Variants in RBFOX1 observed in about 807,000 individuals in gnomAD.
The protein encoded by RBFOX1 is RNA binding fox-1 homolog 1, also known as RNA binding protein fox-1 homolog 1.
A neutral mutation model predicts 57.7 loss-of-function variants in RBFOX1; 8 were observed. The observed-to-expected ratio is 0.14, with a 90% CI of 0.08 to 0.25. The LOEUF (loss-of-function observed/expected upper bound fraction) is 0.25, where lower values mean the gene tolerates loss of function less well. RBFOX1 is among the 10% of genes least tolerant of loss of function. RBFOX1 has a pLI of 1.00. For missense variants in RBFOX1, 611 were observed against 548.5 expected (o/e 1.11, Z -1.14); for synonymous variants, 326 against 222.4 (o/e 1.47, Z -4.15).
At chr16:6,439,725 T>C (rs1197458127) in intron 2 of RBFOX1, among the ~76,000 whole-genome samples, 1 of 152,080 alleles carries the variant, frequency 6.6e-6, no homozygotes, top group Non-Finnish European at 1.5e-5. Context: ...GGTAGACATA[T>C]TATTTGGGAT....
At chr16:6,106,950 C>A (rs575651899) in intron 1 of RBFOX1, among the ~76,000 whole-genome samples, 1 of 152,044 alleles carries the variant, frequency 6.6e-6, no homozygotes, top group Admixed American at 6.5e-5. Flanking sequence ...GGATTACAGG[C>A]GTGAGCCACC....
intron 3 of RBFOX1, among the ~76,000 whole-genome samples, chr16:6,777,365 T>G (rs180672799): frequency 3.7e-4 from 56 of 152,244 alleles, no homozygotes; most frequent in African/African-American, 1.3e-3. Flanking sequence ...ACTCTATTTG[T>G]GTGTCCCTGA....
chr16:6,721,397 C>G (rs1399143216), intron 3 of RBFOX1, among the ~76,000 whole-genome samples: 2 of 152,190 alleles, frequency 1.3e-5, no homozygotes, highest in African/African-American at 4.8e-5. Flanking sequence ...GAGCCGAGAT[C>G]ATGCCACTGC....
At chr16:5,363,031 C>CTTTTTTT (rs35426149) in intron 1 of RBFOX1, among the ~76,000 whole-genome samples, 1 of 95,420 alleles carries the variant, frequency 1.0e-5, no homozygotes, top group African/African-American at 4.0e-5. Context: ...GATTTTAATT[C>CTTTTTTT]TTTTTTTTTT....
At chr16:5,398,750 A>G (rs954051316) in intron 1 of RBFOX1, among the ~76,000 whole-genome samples, 1 of 152,164 alleles carries the variant, frequency 6.6e-6, no homozygotes, top group Non-Finnish European at 1.5e-5. Flanking sequence ...TGATGATTCC[A>G]TGGGAGCGAG....
chr16:7,175,886 C>T (rs777044996), intron 4 of RBFOX1, among the ~76,000 whole-genome samples: 9 of 152,114 alleles, frequency 5.9e-5, no homozygotes, highest in Non-Finnish European at 1.5e-5. Context: ...TATATTAGCC[C>T]TCTGAGCATA....
At chr16:7,464,333 G>A (rs1254932157) in intron 4 of RBFOX1, among the ~76,000 whole-genome samples, 2 of 152,082 alleles carry the variant, frequency 1.3e-5, no homozygotes, top group African/African-American at 2.4e-5. Context: ...GATCACCATC[G>A]CAGGTGAACG....
intron 3 of RBFOX1, among the ~76,000 whole-genome samples, chr16:6,833,425 C>G (rs1006042556): frequency 1.3e-5 from 2 of 152,138 alleles, no homozygotes; most frequent in Non-Finnish European, 2.9e-5. Flanking sequence ...CCTCGGCTTC[C>G]CAAAGTGTTG....
intron 1 of RBFOX1, among the ~76,000 whole-genome samples, chr16:6,060,624 T>A (rs559470546): frequency 3.3e-5 from 5 of 152,144 alleles, no homozygotes; most frequent in Non-Finnish European, 5.9e-5. Context: ...CATGCATGTG[T>A]TGCTAAGCAA....
intron 3 of RBFOX1, among the ~76,000 whole-genome samples, chr16:6,993,927 A>C (rs2091894337): frequency 6.6e-6 from 1 of 152,194 alleles, no homozygotes; most frequent in East Asian, 1.9e-4. Context: ...GTAGCCAATA[A>C]GTGCCTAAAT....
At chr16:6,284,107 T>G (rs748546409) in intron 1 of RBFOX1, among the ~76,000 whole-genome samples, 1 of 152,198 alleles carries the variant, frequency 6.6e-6, no homozygotes, top group Non-Finnish European at 1.5e-5. Flanking sequence ...TCACACAACA[T>G]CTAGGCCATT....
intron 10 of RBFOX1, among the ~76,000 whole-genome samples, chr16:7,617,793 C>A (rs1243981864): frequency 6.6e-6 from 1 of 152,082 alleles, no homozygotes; most frequent in Non-Finnish European, 1.5e-5. Context: ...ACTGTCAATG[C>A]GGGTATAGTA....
At chr16:6,382,191 A>G (rs2091878514) in intron 2 of RBFOX1, among the ~76,000 whole-genome samples, 1 of 152,152 alleles carries the variant, frequency 6.6e-6, no homozygotes, top group Non-Finnish European at 1.5e-5. Flanking sequence ...TTTTTCCCCA[A>G]CCATTTAAAA....
chr16:6,999,156 A>G (rs909219409), intron 3 of RBFOX1, among the ~76,000 whole-genome samples: 1 of 142,580 alleles, frequency 7.0e-6, no homozygotes, highest in African/African-American at 2.5e-5. Flanking sequence ...GGTGTGAGCC[A>G]CTGAGCCTGG....
At chr16:5,454,701 T>C (rs925566144) in intron 1 of RBFOX1, among the ~76,000 whole-genome samples, 7 of 149,216 alleles carry the variant, frequency 4.7e-5, no homozygotes, top group South Asian at 2.1e-4. Context: ...TCCATAATTA[T>C]TAGGTAAACC....
chr16:6,919,611 G>A (rs1339280287), intron 3 of RBFOX1, among the ~76,000 whole-genome samples: 5 of 151,958 alleles, frequency 3.3e-5, no homozygotes, highest in South Asian at 2.1e-4. Flanking sequence ...TGGTATCTTC[G>A]AACAAGTATC....
chr16:7,704,322 G>A (rs1001352665), intron 14 of RBFOX1, among the ~76,000 whole-genome samples: 5 of 152,210 alleles, frequency 3.3e-5, no homozygotes, highest in South Asian at 4.1e-4. Context: ...GTTTTTCCCT[G>A]AAGGCTTTTG....
chr16:6,752,065 TCTAA>T (rs2075029323), intron 3 of RBFOX1, among the ~76,000 whole-genome samples: 2 of 152,158 alleles, frequency 1.3e-5, no homozygotes, highest in South Asian at 4.1e-4. Context: ...TGTTAATTTC[TCTAA>T]CTCCTGCTGG....
chr16:6,362,023 C>G lies in RBFOX1; in HGVS notation c.-64+44966C>G, dbSNP rs77899961. ...AAGCAAAGCCTTCATGCTCAAGGAG[C>G]TTATGTTCTAGTGTCCTGAAGCAAA... On this transcript the variant is annotated intron_variant, in intron 2 of 15. Coordinates refer to ENST00000550418, the MANE Select transcript of RBFOX1 (RefSeq NM_018723.4). 6.3e-3 allele frequency among the ~76,000 whole-genome samples: 956 copies of G among 152,178 alleles called. 12 individuals carry two copies. Among genetic ancestry groups the G allele is most frequent in the African/African-American group, 0.022 (901 of 41,514 alleles).
Sources: allele counts gnomAD v4.1 joint callset (sites outside exome capture counted in the v4.1 genomes callset), GRCh38; gene constraint gnomAD v4.1.1; transcripts MANE v1.5; gene names NCBI Gene and HGNC (gene_info 2026-07-23, HGNC 2026-07-21).